ASPRV1: variants seen among roughly 807,000 people sequenced by gnomAD.
ASPRV1 encodes aspartic peptidase retroviral like 1.
In ASPRV1, 7 loss-of-function variants were observed where a neutral mutation model predicts 11.0. That is an observed-to-expected ratio of 0.64 (90% CI 0.36 to 1.20). The LOEUF is 1.20. ASPRV1 is among the 50% of genes most tolerant of loss of function. The pLI, the probability that ASPRV1 is intolerant of heterozygous loss-of-function variation, is 0.02. For synonymous variants in ASPRV1, 136 were observed against 138.4 expected (o/e 0.98, Z 0.12); for missense variants, 299 against 320.0 (o/e 0.93, Z 0.50).
the ASPRV1 span, among the ~76,000 whole-genome samples, chr2:70,021,012 T>C: frequency 6.6e-6 from 1 of 152,210 alleles, no homozygotes; most frequent in African/African-American, 2.4e-5. Flanking sequence ...TTACCACAGC[T>C]TTTTAAATTT....
At chr2:69,963,646 A>C, upstream of ASPRV1, 1 of 360,266 alleles carries the variant, frequency 2.8e-6, no homozygotes, top group Non-Finnish European at 5.5e-6. Context: ...CGATCTCCCT[A>C]CTGCCCTTAG....
chr2:70,020,092 C>T, the ASPRV1 span, among the ~76,000 whole-genome samples: 1 of 151,726 alleles, frequency 6.6e-6, no homozygotes, highest in Non-Finnish European at 1.5e-5. Context: ...TCAAAAATAA[C>T]AAGTGTCGCA....
chr2:70,024,968 A>G, the ASPRV1 span, among the ~76,000 whole-genome samples: 2 of 152,236 alleles, frequency 1.3e-5, no homozygotes, highest in Admixed American at 6.5e-5. Flanking sequence ...AGTTAATGCA[A>G]AAGATCCACC....
the ASPRV1 span, among the ~76,000 whole-genome samples, chr2:70,058,553 T>A: frequency 1.4e-5 from 2 of 142,746 alleles, no homozygotes; most frequent in Admixed American, 6.9e-5. Context: ...CTGAAGAAAT[T>A]TTTTTTTTTT....
the ASPRV1 span, among the ~76,000 whole-genome samples, chr2:69,983,462 T>A: frequency 6.6e-6 from 1 of 152,182 alleles, no homozygotes; most frequent in South Asian, 2.1e-4. Flanking sequence ...CCTGGGACTC[T>A]CAGGGAGGGA....
chr2:69,988,886 T>C, the ASPRV1 span: 2 of 448,572 alleles, frequency 4.5e-6, no homozygotes, highest in Admixed American at 2.4e-5. Context: ...ACACACAGGT[T>C]CCCCTCAATC....
the ASPRV1 span, among the ~76,000 whole-genome samples, chr2:70,052,872 T>C: frequency 1.3e-5 from 2 of 152,142 alleles, no homozygotes; most frequent in Non-Finnish European, 2.9e-5. Flanking sequence ...CAAGATGCCC[T>C]GCAGGGACAG....
the ASPRV1 span, chr2:69,935,371 G>A: frequency 4.3e-6 from 7 of 1,613,864 alleles, no homozygotes; most frequent in East Asian, 2.2e-5. Context: ...CTTCGCTTGT[G>A]CCTGGAGAAG....
chr2:70,052,589 G>A, the ASPRV1 span, among the ~76,000 whole-genome samples: 1 of 151,246 alleles, frequency 6.6e-6, no homozygotes, highest in Non-Finnish European at 1.5e-5. Context: ...CTTTGCTCCA[G>A]AAAGAATTTA....
At chr2:69,937,357 C>G in the ASPRV1 span, 7 of 1,613,520 alleles carry the variant, frequency 4.3e-6, no homozygotes, top group Non-Finnish European at 5.9e-6. Context: ...ACAGCATCGG[C>G]TCCACCGTCT....
chr2:69,971,597 C>A, the ASPRV1 span, among the ~76,000 whole-genome samples: 1 of 152,176 alleles, frequency 6.6e-6, no homozygotes, highest in South Asian at 2.1e-4. Context: ...TTTAAAAATG[C>A]AAGTCTAGAT....
chr2:69,965,240 G>A (rs1402883488), upstream of ASPRV1, among the ~76,000 whole-genome samples: 2 of 152,138 alleles, frequency 1.3e-5, no homozygotes, highest in Middle Eastern at 3.4e-3. Flanking sequence ...AGGTTTCACC[G>A]TGTTAGCCAG....
chr2:70,034,332 GC>G, the ASPRV1 span, among the ~76,000 whole-genome samples: 1 of 151,662 alleles, frequency 6.6e-6, no homozygotes, highest in African/African-American at 2.4e-5. Flanking sequence ...ACTTTGGGAG[GC>G]CGAGGCGGGC....
the ASPRV1 span, among the ~76,000 whole-genome samples, chr2:70,026,050 C>T: frequency 3.3e-5 from 5 of 152,274 alleles, no homozygotes; most frequent in Non-Finnish European, 5.9e-5. Flanking sequence ...CAGCCAGGCA[C>T]GGTGGCTCAT....
At chr2:69,996,735 G>A in the ASPRV1 span, 22 of 456,556 alleles carry the variant, frequency 4.8e-5, no homozygotes, top group East Asian at 4.2e-4. Context: ...CACCATCTAC[G>A]GAAACCATCT....
chr2:70,063,847 T>C, the ASPRV1 span: 5 of 152,190 alleles, frequency 3.3e-5, no homozygotes, highest in African/African-American at 1.2e-4. Context: ...TCCCCAAGAT[T>C]ATTTATGACT....
At chr2:70,055,602 G>A in the ASPRV1 span, 3 of 152,110 alleles carry the variant, frequency 2.0e-5, no homozygotes, top group South Asian at 6.2e-4. Flanking sequence ...TACAGAGAAG[G>A]GAATAACACA....
At chr2:70,037,893 T>C in the ASPRV1 span, among the ~76,000 whole-genome samples, 3 of 152,216 alleles carry the variant, frequency 2.0e-5, no homozygotes, top group African/African-American at 7.2e-5. Flanking sequence ...TGACAGAAAT[T>C]TTTTTTCTTG....
the ASPRV1 span, among the ~76,000 whole-genome samples, chr2:70,054,603 T>TA: frequency 7.9e-5 from 12 of 151,022 alleles, no homozygotes; most frequent in African/African-American, 2.4e-4. Context: ...AATAAATAAA[T>TA]AATAAAATAA....
Sources: allele counts gnomAD v4.1 joint callset (sites outside exome capture counted in the v4.1 genomes callset), GRCh38; gene constraint gnomAD v4.1.1; transcripts MANE v1.5; gene names NCBI Gene and HGNC (gene_info 2026-07-23, HGNC 2026-07-21).